The following CSNK1D variants were observed in gnomAD, a reference collection of about 807,000 sequenced individuals.
CSNK1D encodes casein kinase I isoform delta.
In CSNK1D, 16 loss-of-function variants were observed where a neutral mutation model predicts 46.6. The observed-to-expected ratio is 0.34, with a 90% CI of 0.23 to 0.52. The LOEUF is 0.52. CSNK1D is among the 20% of genes least tolerant of loss of function. The pLI, the probability that CSNK1D is intolerant of heterozygous loss-of-function variation, is 0.95. For missense variants in CSNK1D, 398 were observed against 578.4 expected, an observed-to-expected ratio of 0.69 and a Z score of 3.20; for synonymous variants, 276 against 228.2, an observed-to-expected ratio of 1.21 and a Z score of -1.89.
In CSNK1D at chr17:82,243,606, G is replaced by C; in HGVS notation, c.*1175C>G. ...TCTACTTTCTGGCCGTGAAGGTTCTGGGTCCGGTTGGGAGAGTCACCTGCT... is the reference window on the plus strand; with the variant it reads ...TCTACTTTCTGGCCGTGAAGGTTCTCGGTCCGGTTGGGAGAGTCACCTGCT... On this transcript the variant is annotated 3_prime_UTR_variant, in exon 9 of 9. Coordinates refer to ENST00000314028, the MANE Select transcript of CSNK1D (RefSeq NM_001893.6). The C allele has an allele frequency of 1.0e-6, 1 of 985,520 alleles. No homozygotes were observed. Among genetic ancestry groups the C allele is most frequent in the Non-Finnish European group, 1.2e-6 (1 of 829,962 alleles). 61.0% of individuals were successfully genotyped at this position (985,520 alleles called of 1,614,324 possible).
intron 3 of CSNK1D, chr17:82,253,867 C>T (rs1162324985): frequency 7.2e-5 from 18 of 249,998 alleles, no homozygotes; most frequent in East Asian, 4.5e-4. Context: ...TCAGCTGAGC[C>T]GCCGGAGCCT....
Position 82,253,142 on chromosome 17 carries a change from T to C in CSNK1D, c.439A>G (p.Ile147Val). Reference sequence around the variant, plus strand: ...TTCTTGGCCAGCCCGAAGTCGATGATGTACACCAGGTTGCCCTTCTTCCCC... The same window carrying C: ...TTCTTGGCCAGCCCGAAGTCGATGACGTACACCAGGTTGCCCTTCTTCCCC... ...GLGKKGNLVYIIDFGLAKKYR... is the reference protein window; with the variant it reads ...GLGKKGNLVYVIDFGLAKKYR... Residue 147 changes from isoleucine to valine, a missense_variant, in exon 4 of 9, where the codon ATC (isoleucine) becomes GTC (valine). Coordinates refer to ENST00000314028, the MANE Select transcript of CSNK1D (RefSeq NM_001893.6). 1.2e-6 allele frequency: 2 copies of C among 1,614,212 alleles called. No homozygotes were observed. The highest frequency in any genetic ancestry group is 8.5e-7 in the Non-Finnish European group (1 of 1,180,036).
chr17:82,273,076 C>A lies in CSNK1D; in HGVS notation c.76+230G>T. On this transcript the variant is annotated intron_variant, in intron 1 of 8. Coordinates refer to ENST00000314028, the MANE Select transcript of CSNK1D (RefSeq NM_001893.6). The surrounding 1 kb of genome is among the most constrained non-coding windows in gnomAD (Gnocchi z 5.1). ...CTTCCCCAACCCTCCCCTCTCCAGACCCTGCTCCCCCGACCTGGTCCTGCC... is the reference window on the plus strand; with the variant it reads ...CTTCCCCAACCCTCCCCTCTCCAGAACCTGCTCCCCCGACCTGGTCCTGCC... 1.0e-5 allele frequency: 4 copies of A among 393,924 alleles called. No homozygotes were observed. Among genetic ancestry groups the A allele is most frequent in the African/African-American group, 2.3e-5 (1 of 42,824 alleles). 24.4% of individuals were successfully genotyped at this position (393,924 alleles called of 1,614,324 possible). A position where few individuals can be genotyped will look rare whatever the true frequency, so the allele number is the denominator to read the frequency against.
Position 82,245,977 on chromosome 17 carries a change from C to T in CSNK1D, c.1198-1146G>A, listed in dbSNP as rs1260500993. On this transcript the variant is annotated intron_variant, in intron 8 of 8. Transcript: ENST00000314028. ...GGCGCCCGCCACGCGCACACTCACC[C>T]AGTGCTGCCTTCCGATGGGAGACGA... 4 of 1,603,350 alleles carry T rather than the reference C, an allele frequency of 2.5e-6. No individual in the cohort carries two copies. The South Asian group carries it at 4.5e-5, about 18-fold the overall frequency.
chr17:82,251,222 C>A lies in CSNK1D; in HGVS notation c.885+157G>T. The A allele has an allele frequency of 1.2e-6, 1 of 819,526 alleles. No individual in the cohort carries two copies. Among genetic ancestry groups the A allele is most frequent in the African/African-American group, 1.7e-5 (1 of 58,776 alleles). 50.8% of individuals were successfully genotyped at this position (819,526 alleles called of 1,614,324 possible). ...GCACCCCTTTCTGGCAGGCAGACAC[C>A]CACTCAGTCCAGGTCCTGCCCACTA... On this transcript the variant is annotated intron_variant, in intron 6 of 8. Transcript: ENST00000314028. This position sits in a 1 kb window ranked among gnomAD's most constrained non-coding sequence, Gnocchi z 4.5.
At chr17:82,257,335 T>A (rs2051197800) in intron 2 of CSNK1D, among the ~76,000 whole-genome samples, 1 of 152,210 alleles carries the variant, frequency 6.6e-6, no homozygotes, top group Non-Finnish European at 1.5e-5. Flanking sequence ...GAAAAGACTT[T>A]TCATGAATAT....
Position 82,273,345 on chromosome 17 carries a change from G to A in CSNK1D, c.37C>T (p.Arg13Trp), listed in dbSNP as rs753648490. The change falls in exon 1 of 9, where the codon CGG becomes TGG. Residue 13 changes from arginine to tryptophan, a missense_variant. By Grantham distance (101) the Arg-to-Trp change is moderately radical. This residue lies in a region of CSNK1D where 217 missense variants were observed against 370.3 expected (regional missense o/e 0.59). Transcript: ENST00000314028. The surrounding 1 kb of genome is among the most constrained non-coding windows in gnomAD (Gnocchi z 5.1). ...LRVGNRYRLG[R>W]KIGSGSFGDI... ...CCGAAGGAGCCGCTGCCGATCTTCCGGCCCAGCCGGTACCTGTTCCCGACT... is the reference window on the plus strand; with the variant it reads ...CCGAAGGAGCCGCTGCCGATCTTCCAGCCCAGCCGGTACCTGTTCCCGACT... 4 of 1,610,324 alleles carry A rather than the reference G, an allele frequency of 2.5e-6. No homozygotes were observed. The highest frequency in any genetic ancestry group is 3.4e-6 in the Non-Finnish European group (4 of 1,179,334).
In CSNK1D at chr17:82,251,337, C is replaced by T. The variant is rs2051002243; in HGVS notation, c.885+42G>A. ...CGGCCTCTCACTGACAAGCCATCCCCCGCACACCACACTCAGCGAACGTGC... is the reference window on the plus strand; with the variant it reads ...CGGCCTCTCACTGACAAGCCATCCCTCGCACACCACACTCAGCGAACGTGC... On this transcript the variant is annotated intron_variant, in intron 6 of 8. Transcript: ENST00000314028. The surrounding 1 kb of genome is among the most constrained non-coding windows in gnomAD (Gnocchi z 4.5). 6.2e-7 allele frequency: 1 copy of T among 1,613,082 alleles called. No individual in the cohort carries two copies. The highest frequency in any genetic ancestry group is 1.1e-5 in the South Asian group (1 of 91,006).
At chr17:82,272,768 G>A (rs752580845) in intron 1 of CSNK1D, among the ~76,000 whole-genome samples, 1 of 152,208 alleles carries the variant, frequency 6.6e-6, no homozygotes, top group African/African-American at 2.4e-5. Context: ...CCTCTGAGGG[G>A]GCAGCCAGAC....
downstream of CSNK1D, among the ~76,000 whole-genome samples, chr17:82,240,797 G>A (rs893516459): frequency 1.3e-4 from 20 of 152,176 alleles, no homozygotes; most frequent in African/African-American, 3.6e-4. Context: ...GGCACAGGAC[G>A]TGTGGGGGCT....
chr17:82,248,448 G>A lies in CSNK1D; in HGVS notation c.1197+427C>T. On this transcript the variant is annotated intron_variant, in intron 8 of 8. Transcript: ENST00000314028. This position sits in a 1 kb window ranked among gnomAD's most constrained non-coding sequence, Gnocchi z 4.1. ...GAGGGTCTCACAAGAAGCCCGTGGAGGTCCCTACGGGCCTCCATCCCTGGC... is the reference window on the plus strand; with the variant it reads ...GAGGGTCTCACAAGAAGCCCGTGGAAGTCCCTACGGGCCTCCATCCCTGGC... 2 of 1,035,800 alleles carry A rather than the reference G, an allele frequency of 1.9e-6. No homozygotes were observed. Among genetic ancestry groups the A allele is most frequent in the South Asian group, 3.2e-5 (1 of 30,872 alleles). The allele number at this position is 1,035,800 out of a possible 1,614,324, so 64.2% of individuals were successfully genotyped here.
chr17:82,258,348 A>T lies in CSNK1D; in HGVS notation c.188-2771T>A, dbSNP rs558091371. Among the ~76,000 whole-genome samples, 5 of 150,882 alleles carry T rather than the reference A, an allele frequency of 3.3e-5. No individual in the cohort carries two copies. In the East Asian group the frequency reaches 5.8e-4, roughly 17 times the overall value. On this transcript the variant is annotated intron_variant, in intron 2 of 8. Coordinates refer to ENST00000314028, the MANE Select transcript of CSNK1D (RefSeq NM_001893.6). ...CCTGAACATATGTGTATATATATAT[A>T]TTATATATATGCAAATACACATCTA...
chr17:82,239,526 C>T (rs894252020), downstream of CSNK1D: 3 of 175,652 alleles, frequency 1.7e-5, no homozygotes, highest in African/African-American at 7.1e-5. Flanking sequence ...GGCCTGTGTC[C>T]TGACTCGCAC....
chr17:82,270,306 TA>T (rs2051586513), intron 1 of CSNK1D, among the ~76,000 whole-genome samples: 1 of 152,192 alleles, frequency 6.6e-6, no homozygotes, highest in African/African-American at 2.4e-5. Flanking sequence ...ACCACGCTTC[TA>T]GCCCACAGGC....
intron 2 of CSNK1D, among the ~76,000 whole-genome samples, chr17:82,264,149 G>A (rs1048071872): frequency 7.9e-5 from 12 of 152,204 alleles, no homozygotes; most frequent in African/African-American, 2.7e-4. Context: ...TCCCTTTCCC[G>A]TGACAAAAGG....
intron 1 of CSNK1D, among the ~76,000 whole-genome samples, chr17:82,266,024 T>C (rs1336485221): frequency 1.3e-5 from 2 of 152,222 alleles, no homozygotes; most frequent in African/African-American, 4.8e-5. Context: ...AGAAAGTTTA[T>C]GTGGCTTCCA....
rs1354504022 is a variant in CSNK1D, at chr17:82,248,999, C to CG, written c.1072dup (p.Arg358ProfsTer83). 3 of 1,562,844 alleles carry CG rather than the reference C, an allele frequency of 1.9e-6. No homozygotes were observed. Among genetic ancestry groups the CG allele is most frequent in the Non-Finnish European group, 8.7e-7 (1 of 1,152,766 alleles). On this transcript the variant is annotated frameshift_variant, in exon 8 of 9. Coordinates refer to ENST00000314028, the MANE Select transcript of CSNK1D (RefSeq NM_001893.6). LOFTEE classifies it high-confidence loss of function. This position sits in a 1 kb window ranked among gnomAD's most constrained non-coding sequence, Gnocchi z 4.1. Reference sequence around the variant, plus strand: ...CTCTCTCTCCATGCCGGAGACGGGCCGGGGGGAGGTGTTAGCTGAGGACAG... The same window carrying CG: ...CTCTCTCTCCATGCCGGAGACGGGCCGGGGGGGAGGTGTTAGCTGAGGACAG...
At position 82,273,653 on chromosome 17, in the gene CSNK1D, C is replaced by A. The variant is rs1289824910; in HGVS notation, c.-272G>T. On this transcript the variant is annotated 5_prime_UTR_variant, in exon 1 of 9. Coordinates refer to ENST00000314028, the MANE Select transcript of CSNK1D (RefSeq NM_001893.6). This position sits in a 1 kb window ranked among gnomAD's most constrained non-coding sequence, Gnocchi z 5.1. ...CGCGGATGGACTCGGATCTTCCGGG[C>A]CTAAATCCCCTTTCAGCTGCCTAAA... 9.2e-6 allele frequency: 5 copies of A among 546,122 alleles called. No homozygotes were observed. Among genetic ancestry groups the A allele is most frequent in the Non-Finnish European group, 1.6e-5 (5 of 311,838 alleles). The allele number at this position is 546,122 out of a possible 1,614,324, so 33.8% of individuals were successfully genotyped here.
At chr17:82,244,993 G>A (rs1164664035) in intron 8 of CSNK1D, 162 bp from the exon 9 acceptor site, 1 of 848,078 alleles carries the variant, frequency 1.2e-6, no homozygotes, top group Non-Finnish European at 1.9e-6. Context: ...CTCTGTGGCT[G>A]GGACACGTGC....
Sources: gnomAD v4.1 joint callset for allele counts (sites outside exome capture counted in the v4.1 genomes callset) on GRCh38, gnomAD v4.1.1 for gene constraint, gnomAD v4.1.1 regional missense constraint, Gnocchi (gnomAD v3.1) non-coding constraint, MANE v1.5 for transcripts, NCBI Gene and HGNC (gene_info 2026-07-23, HGNC 2026-07-21) for gene names.